Variants in RAD50 observed in about 807,000 individuals in gnomAD.
RAD50 encodes RAD50 double strand break repair protein.
In RAD50, 132 loss-of-function variants were observed where a neutral mutation model predicts 168.8. The observed-to-expected ratio is 0.78, with a 90% confidence interval of 0.68 to 0.90. RAD50 has a LOEUF of 0.90. Ranked by LOEUF, RAD50 falls within the 40% of genes least tolerant of loss-of-function variation. The pLI is 0.00. For synonymous variants in RAD50, 525 were observed against 497.4 expected (o/e 1.06, Z -0.74); for missense variants, 1,347 against 1,534.4 (o/e 0.88, Z 2.04).
intron 2 of RAD50, among the ~76,000 whole-genome samples, chr5:132,559,682 A>T (rs1182529457): frequency 1.5e-4 from 23 of 152,134 alleles, no homozygotes; most frequent in Non-Finnish European, 7.3e-5. Context: ...TAATCTTTAT[A>T]CTGCTTTGTA....
intron 23 of RAD50, among the ~76,000 whole-genome samples, chr5:132,638,424 T>C (rs1014029736): frequency 6.6e-6 from 1 of 152,172 alleles, no homozygotes; most frequent in African/African-American, 2.4e-5. Context: ...ATGTAGACTT[T>C]TAAAAGAAGG....
intron 2 of RAD50, among the ~76,000 whole-genome samples, chr5:132,562,770 A>G (rs1445240363): frequency 1.3e-5 from 2 of 152,184 alleles, no homozygotes; most frequent in Non-Finnish European, 2.9e-5. Flanking sequence ...GATGAGATCA[A>G]ATAGAGAGTG....
At position 132,642,160 on chromosome 5, in the gene RAD50, C is replaced by T. The variant is rs777036298; in HGVS notation, c.3753-18C>T. On this transcript the variant is annotated intron_variant, in intron 24 of 24. Coordinates refer to ENST00000378823, the MANE Select transcript of RAD50 (RefSeq NM_005732.4). ...TTATGCTCTTTACTAATAATATGTT[C>T]TGAATATATTGTTGCAGGATAATAA... is the stretch of plus-strand genomic sequence containing the variant. The T allele has an allele frequency of 3.7e-6, 6 of 1,609,726 alleles. No individual in the cohort carries two copies. The Admixed American group carries it at 1.0e-4, about 27-fold the overall frequency.
At chr5:132,561,628 A>G (rs1750126219) in intron 2 of RAD50, among the ~76,000 whole-genome samples, 1 of 152,192 alleles carries the variant, frequency 6.6e-6, no homozygotes, top group South Asian at 2.1e-4. Context: ...TACCACATTT[A>G]TATATTTGAC....
At chr5:132,588,652 T>A (rs369060820) in intron 7 of RAD50, 35 bp from the exon 8 acceptor site, 8 of 1,591,352 alleles carry the variant, frequency 5.0e-6, no homozygotes, top group Non-Finnish European at 6.9e-6. Flanking sequence ...TAAGCACCAG[T>A]TGAAAAAAAA....
At chr5:132,586,462 CTCTT>C (rs1241622463) in intron 5 of RAD50, among the ~76,000 whole-genome samples, 2 of 152,154 alleles carry the variant, frequency 1.3e-5, no homozygotes, top group African/African-American at 4.8e-5. Flanking sequence ...TTTCAAATCT[CTCTT>C]TCGTTTAGCT....
At chr5:132,608,147 C>T (rs1228267522) in intron 16 of RAD50, among the ~76,000 whole-genome samples, 1 of 152,198 alleles carries the variant, frequency 6.6e-6, no homozygotes, top group African/African-American at 2.4e-5. Flanking sequence ...TTTTTACCAT[C>T]ATGTTTTCAT....
intron 21 of RAD50, among the ~76,000 whole-genome samples, chr5:132,619,871 G>GATATATATATATAAAGATAT (rs1751253179): frequency 2.4e-5 from 2 of 84,926 alleles, no homozygotes; most frequent in Admixed American, 2.4e-4. Context: ...TATATATAAA[G>GATATATATATATAAAGATAT]ATATATATAT....
chr5:132,605,607 T>G (rs933214178), intron 16 of RAD50, among the ~76,000 whole-genome samples: 1 of 152,170 alleles, frequency 6.6e-6, no homozygotes, highest in Non-Finnish European at 1.5e-5. Context: ...CTCCCAAAAT[T>G]ACAGGCTTAC....
At chr5:132,623,316 TA>T (rs557110222) in intron 21 of RAD50, among the ~76,000 whole-genome samples, 1 of 151,750 alleles carries the variant, frequency 6.6e-6, no homozygotes, top group Non-Finnish European at 1.5e-5. Flanking sequence ...CCGTCTGTAC[TA>T]AAAAAAATAC....
intron 21 of RAD50, among the ~76,000 whole-genome samples, chr5:132,628,761 C>T (rs1581014911): frequency 6.6e-6 from 1 of 151,780 alleles, no homozygotes; most frequent in South Asian, 2.1e-4. Flanking sequence ...GCAGGAGAAT[C>T]GCCTGAACCC....
rs1356107538 is a variant in RAD50 at position 132,592,035 on chromosome 5, G to C, written c.1793+1G>C. ...CCAGGGACAGACTTGCCAAATTGAAGTAAGTTGCAACATTTGGAGATGTAA... is the reference window on the plus strand; with the variant it reads ...CCAGGGACAGACTTGCCAAATTGAACTAAGTTGCAACATTTGGAGATGTAA... On this transcript the variant is annotated splice_donor_variant, in intron 11 of 24. Coordinates refer to ENST00000378823, the MANE Select transcript of RAD50 (RefSeq NM_005732.4). LOFTEE classifies it high-confidence loss of function. 1.2e-6 allele frequency: 2 copies of C among 1,608,944 alleles called. No individual in the cohort carries two copies. The highest frequency in any genetic ancestry group is 2.7e-5 in the African/African-American group (2 of 74,754).
chr5:132,609,742 A>G (rs1751052685), intron 19 of RAD50, among the ~76,000 whole-genome samples: 1 of 152,216 alleles, frequency 6.6e-6, no homozygotes, highest in African/African-American at 2.4e-5. Flanking sequence ...TGATTGTACC[A>G]CTGCACTCTA....
intron 6 of RAD50, 84 bp downstream of exon 6, chr5:132,587,774 A>G (rs1750620935): frequency 1.3e-6 from 2 of 1,588,544 alleles, no homozygotes; most frequent in African/African-American, 1.4e-5. Flanking sequence ...TGCCATCCAC[A>G]TTGGAAAAAA....
intron 11 of RAD50, chr5:132,593,093 A>G: frequency 3.6e-6 from 1 of 276,360 alleles, no homozygotes; most frequent in Non-Finnish European, 7.6e-6. Flanking sequence ...TTCATCTTTA[A>G]TATCGTCTCA....
Position 132,616,242 on chromosome 5 carries a change from G to T in RAD50, c.3164+112G>T. The T allele has an allele frequency of 4.8e-6, 5 of 1,050,454 alleles. No individual in the cohort carries two copies. The South Asian group carries it at 7.0e-5, about 15-fold the overall frequency. 65.1% of individuals were successfully genotyped at this position (1,050,454 alleles called of 1,614,324 possible). A position where few individuals can be genotyped will look rare whatever the true frequency, so the allele number is the denominator to read the frequency against. On this transcript the variant is annotated intron_variant, in intron 20 of 24. Transcript: ENST00000378823. ...TTAGCCTCAGCCTGGTATCCTTTGA[G>T]AGTTACTAGAAGGTGAACAGTGTTT...
chr5:132,635,234 G>GT (rs1241708011), intron 21 of RAD50, among the ~76,000 whole-genome samples: 5 of 152,186 alleles, frequency 3.3e-5, no homozygotes, highest in Admixed American at 6.5e-5. Flanking sequence ...AGAGATAACA[G>GT]TATCTAATTC....
Position 132,631,280 on chromosome 5 carries a change from C to T in RAD50, c.3390-5835C>T, listed in dbSNP as rs148080164. Among the ~76,000 whole-genome samples the T allele has an allele frequency of 3.9e-3, 599 of 152,022 alleles. 4 individuals are homozygous for T. The highest frequency in any genetic ancestry group is 0.012 in the African/African-American group (512 of 41,458). On this transcript the variant is annotated intron_variant, in intron 21 of 24. Transcript: ENST00000378823. ...GGATTACAGGTGCCCACCACCACACCGGCTAATTTTTGTATTTTTAGTAGA... is the reference window on the plus strand; with the variant it reads ...GGATTACAGGTGCCCACCACCACACTGGCTAATTTTTGTATTTTTAGTAGA...
intron 20 of RAD50, among the ~76,000 whole-genome samples, chr5:132,616,378 A>C (rs1166962810): frequency 6.6e-6 from 1 of 152,216 alleles, no homozygotes; most frequent in Non-Finnish European, 1.5e-5. Context: ...GAACATGCTT[A>C]GTCCCCATAC....
Sources: allele counts gnomAD v4.1 joint callset (sites outside exome capture counted in the v4.1 genomes callset), GRCh38; gene constraint gnomAD v4.1.1; transcripts MANE v1.5; gene names NCBI Gene and HGNC (gene_info 2026-07-23, HGNC 2026-07-21).